UVSSA: variants seen among roughly 807,000 people sequenced by gnomAD.
The protein encoded by UVSSA is UV-stimulated scaffold protein A.
UVSSA carries 72 observed loss-of-function variants against 73.9 expected under a neutral mutation model. The ratio of observed to expected loss-of-function variants is 0.97; its 90% CI spans 0.81 to 1.19. The LOEUF (loss-of-function observed/expected upper bound fraction) is 1.19. Ranked by LOEUF, UVSSA falls within the 50% of genes most tolerant of loss-of-function variation. The pLI is 0.00. For synonymous variants in UVSSA, 454 were observed against 391.3 expected, an observed-to-expected ratio of 1.16 and a Z score of -1.89; for missense variants, 1,150 against 965.0, an observed-to-expected ratio of 1.19 and a Z score of -2.54.
chr4:1,354,417 G>C (rs934599580), intron 5 of UVSSA: 9 of 371,382 alleles, frequency 2.4e-5, no homozygotes, highest in Admixed American at 1.5e-4. Context: ...TCTGTGCCCG[G>C]CGTGTGGGGG....
intron 7 of UVSSA, among the ~76,000 whole-genome samples, chr4:1,361,941 G>A (rs965766124): frequency 2.6e-5 from 4 of 151,470 alleles, no homozygotes; most frequent in East Asian, 1.9e-4. Context: ...TTGAGACCGC[G>A]TACCAAGTTA....
upstream of UVSSA, among the ~76,000 whole-genome samples, chr4:1,345,623 T>A (rs1713602408): frequency 8.7e-6 from 1 of 115,042 alleles, no homozygotes; most frequent in South Asian, 2.7e-4. Context: ...CCAGCCTGGG[T>A]GACAAAGCGA....
chr4:1,383,911 C>T lies in UVSSA; in HGVS notation c.2007C>T (p.Arg669=), dbSNP rs141457671. The T allele has an allele frequency of 5.8e-5, 94 of 1,612,942 alleles. No homozygotes were observed. Among genetic ancestry groups the T allele is most frequent in the Non-Finnish European group, 6.9e-5 (81 of 1,179,864 alleles). The part of the protein sequence containing the change: ...TNLKAQADTA[R]ARIGRKVFAK... Reference sequence around the variant, plus strand: ...TGAAGGCTCAGGCTGATACCGCCCGCGCTCGCATTGGGAGAAAAGTCTTCG... The same window carrying T: ...TGAAGGCTCAGGCTGATACCGCCCGTGCTCGCATTGGGAGAAAAGTCTTCG... Residue 669 remains arginine (R), a synonymous_variant, in exon 13 of 14, where the codon CGC becomes CGT. Transcript: ENST00000389851.
intron 12 of UVSSA, among the ~76,000 whole-genome samples, chr4:1,381,543 C>G (rs1027916958): frequency 6.6e-6 from 1 of 152,220 alleles, no homozygotes; most frequent in Non-Finnish European, 1.5e-5. Context: ...TCTGCCCACC[C>G]TGTCTCACCC....
At chr4:1,374,617 G>A (rs527693139) in intron 8 of UVSSA, among the ~76,000 whole-genome samples, 7 of 152,324 alleles carry the variant, frequency 4.6e-5, no homozygotes, top group East Asian at 1.9e-4. Context: ...TGCTGGCGGC[G>A]GGGCGGACCC....
At chr4:1,349,978 G>GGGTGTTCAGGC in intron 3 of UVSSA, 124 bp downstream of exon 3, 1 of 917,046 alleles carries the variant, frequency 1.1e-6, no homozygotes, top group Non-Finnish European at 1.6e-6. Context: ...GGCCTTGCCT[G>GGGTGTTCAGGC]AACACCCAGG....
chr4:1,359,806 G>A (rs1344341908), intron 7 of UVSSA, among the ~76,000 whole-genome samples: 1 of 152,156 alleles, frequency 6.6e-6, no homozygotes, highest in East Asian at 1.9e-4. Context: ...GGAGTTAGAT[G>A]CCAGAAGCAT....
chr4:1,366,465 G>A (rs775831058), intron 8 of UVSSA, 34 bp downstream of exon 8: 1 of 1,536,132 alleles, frequency 6.5e-7, no homozygotes, highest in Non-Finnish European at 8.9e-7. Context: ...GGGCACCTGG[G>A]TGGAGGGTCC....
Position 1,356,724 on chromosome 4 carries a change from A to G in UVSSA, c.1176+1479A>G, listed in dbSNP as rs1715826242. The G allele has an allele frequency of 3.9e-5, 6 of 152,382 alleles. No homozygotes were observed. In the South Asian group the frequency reaches 1.2e-3, roughly 32 times the overall value. 9.4% of individuals were successfully genotyped at this position (152,382 alleles called of 1,614,324 possible). On this transcript the variant is annotated intron_variant, in intron 7 of 13. Transcript: ENST00000389851. Reference sequence around the variant, plus strand: ...ATGCCAGCCCCTGTCACTGTTGCCTAGTGGGCTGCGTGGGGGCTGCCGGCT... The same window carrying G: ...ATGCCAGCCCCTGTCACTGTTGCCTGGTGGGCTGCGTGGGGGCTGCCGGCT...
chr4:1,378,887 C>T (rs976872485), intron 10 of UVSSA, among the ~76,000 whole-genome samples: 8 of 152,236 alleles, frequency 5.3e-5, no homozygotes, highest in Non-Finnish European at 1.2e-4. Flanking sequence ...GTAGTGGGGC[C>T]AAGGCCCTGG....
chr4:1,353,264 G>T lies in UVSSA; in HGVS notation c.785G>T (p.Gly262Val), dbSNP rs376606770. The T allele has an allele frequency of 1.1e-5, 17 of 1,611,468 alleles. No homozygotes were observed. Among genetic ancestry groups the T allele is most frequent in the South Asian group, 4.4e-5 (4 of 91,072 alleles). ...CCSRDLPASA[G>V]HPRAGGGAQP... ...AGTAGAGACCTGCCTGCCTCTGCAG[G>T]CCACCCCAGAGCGGGCGGCGGGGCA... Residue 262 changes from glycine (G) to valine (V), a missense_variant, in exon 5 of 14, where the codon GGC (glycine) becomes GTC (valine). Gly to Val is a moderately radical substitution (Grantham distance 109, BLOSUM62 -3). Transcript: ENST00000389851.
At position 1,383,737 on chromosome 4, in the gene UVSSA, C is replaced by G. The variant is rs753539783; in HGVS notation, c.1862-29C>G. 40 of 1,611,852 alleles carry G rather than the reference C, an allele frequency of 2.5e-5. No homozygotes were observed. The South Asian group carries it at 4.2e-4, about 17-fold the overall frequency. On this transcript the variant is annotated intron_variant, in intron 12 of 13. Coordinates refer to ENST00000389851, the MANE Select transcript of UVSSA (RefSeq NM_020894.4). ...AGAGGCTCTGGTCAGTGCCAGACGT[C>G]TCCTGAAGTGCTTGAGTTTTGTTTG...
At chr4:1,353,512 G>C in intron 5 of UVSSA, 99 bp downstream of exon 5, 1 of 1,405,876 alleles carries the variant, frequency 7.1e-7, no homozygotes, top group South Asian at 1.6e-5. Context: ...GGGGATGCAG[G>C]GGCCTCCCCT....
In UVSSA at chr4:1,347,687, T is replaced by G. The variant is rs919307962; in HGVS notation, c.-76T>G. 2 of 167,722 alleles carry G rather than the reference T, an allele frequency of 1.2e-5. No homozygotes were observed. Among genetic ancestry groups the G allele is most frequent in the African/African-American group, 4.8e-5 (2 of 41,626 alleles). 10.4% of individuals were successfully genotyped at this position (167,722 alleles called of 1,614,324 possible). On this transcript the variant is annotated 5_prime_UTR_variant, in exon 1 of 14. Transcript: ENST00000389851. ...CCGCCCCTGCTCTCCGGACGCGACT[T>G]TTCATTGGTCTCAGAATTTCTTGGC...
In UVSSA at chr4:1,385,624, A is replaced by C. The variant is rs916423257; in HGVS notation, c.2037-244A>C. 7.2e-6 allele frequency: 4 copies of C among 553,056 alleles called. No homozygotes were observed. The Admixed American group carries it at 1.2e-4, about 17-fold the overall frequency. The allele number at this position is 553,056 out of a possible 1,614,324, so 34.3% of individuals were successfully genotyped here. A position where few individuals can be genotyped will look rare whatever the true frequency, so the allele number is the denominator to read the frequency against. ...GCTGGGGCCACCTTCACCGCGCAGA[A>C]CCACCCGCCGCAGACTCCGCTTCTG... On this transcript the variant is annotated intron_variant, in intron 13 of 13. Coordinates refer to ENST00000389851, the MANE Select transcript of UVSSA (RefSeq NM_020894.4).
chr4:1,361,666 G>T (rs13107446), intron 7 of UVSSA, among the ~76,000 whole-genome samples: 8 of 152,146 alleles, frequency 5.3e-5, no homozygotes, highest in Non-Finnish European at 7.4e-5. Context: ...TGGCCTGGCC[G>T]GGCAATTTGC....
At chr4:1,366,478 C>G in intron 8 of UVSSA, 47 bp downstream of exon 8, 1 of 1,473,048 alleles carries the variant, frequency 6.8e-7, no homozygotes, top group Non-Finnish European at 9.3e-7. Flanking sequence ...GAGGGTCCCC[C>G]ACTCAGGATG....
At chr4:1,394,015 C>G (rs1285652073) in exon 14 of UVSSA, 1 of 232,126 alleles carries the variant, frequency 4.3e-6, no homozygotes, top group Non-Finnish European at 8.5e-6. Flanking sequence ...CTTCAGCGCT[C>G]CATCGCGGTT....
At position 1,383,908 on chromosome 4, in the gene UVSSA, C is replaced by T. The variant is rs1246751329; in HGVS notation, c.2004C>T (p.Ala668=). 3 of 1,613,150 alleles carry T rather than the reference C, an allele frequency of 1.9e-6. No homozygotes were observed. In the Admixed American group the frequency reaches 5.0e-5, roughly 27 times the overall value. The change falls in exon 13 of 14, where the codon GCC becomes GCT. Residue 668 remains alanine (A), a synonymous_variant. Coordinates refer to ENST00000389851, the MANE Select transcript of UVSSA (RefSeq NM_020894.4). ...LTNLKAQADT[A]RARIGRKVFA... ...ACCTGAAGGCTCAGGCTGATACCGCCCGCGCTCGCATTGGGAGAAAAGTCT... is the reference window on the plus strand; with the variant it reads ...ACCTGAAGGCTCAGGCTGATACCGCTCGCGCTCGCATTGGGAGAAAAGTCT...
Sources: gnomAD v4.1 joint callset for allele counts (sites outside exome capture counted in the v4.1 genomes callset) on GRCh38, gnomAD v4.1.1 for gene constraint, MANE v1.5 for transcripts, NCBI Gene and HGNC (gene_info 2026-07-23, HGNC 2026-07-21) for gene names.